Variants in ABCC11 observed in about 807,000 individuals in gnomAD.
The protein encoded by ABCC11 is ATP-binding cassette sub-family C member 11.
Under a neutral mutation model 149.3 loss-of-function variants are expected in ABCC11, and 135 were observed. The observed-to-expected ratio is 0.90, with a 90% CI of 0.79 to 1.04. The LOEUF is 1.04. Among genes scored for constraint, ABCC11 ranks in the 50% least tolerant of loss-of-function variants. The probability of loss-of-function intolerance (pLI) is 0.00; values close to 1 mark genes in which losing one functional copy is unlikely to be tolerated. For missense variants in ABCC11, 1,680 were observed against 1,722.1 expected, an observed-to-expected ratio of 0.98 and a Z score of 0.43; for synonymous variants, 665 against 671.4, an observed-to-expected ratio of 0.99 and a Z score of 0.15.
intron 1 of ABCC11, 81 bp from the exon 2 acceptor site, chr16:48,232,020 A>C (rs1970452636): frequency 1.9e-6 from 3 of 1,586,392 alleles, no homozygotes; most frequent in South Asian, 2.3e-5. Flanking sequence ...CAGCCAGAAG[A>C]GGGGGCACTA....
rs1969934344 is a variant in ABCC11 at position 48,224,324 on chromosome 16, T to A, written c.501A>T (p.Ala167=). 6.2e-7 allele frequency: 1 copy of A among 1,614,198 alleles called. No homozygotes were observed. The highest frequency in any genetic ancestry group is 1.1e-5 in the South Asian group (1 of 91,092). The stretch of plus-strand genomic sequence containing the variant: ...CAATGCAGAAGCAGATGCCCAGAAG[T>A]GCATCGAAAATCAACCTTGTTCTCT... ...RFQRTRLIFD[A]LLGICFCIAS... Residue 167 remains alanine, a synonymous_variant, in exon 5 of 30, where the codon GCA becomes GCT. Transcript: ENST00000356608.
At chr16:48,204,602 C>T (rs1377680783) in intron 13 of ABCC11, among the ~76,000 whole-genome samples, 1 of 152,088 alleles carries the variant, frequency 6.6e-6, no homozygotes, top group Admixed American at 6.6e-5. Flanking sequence ...TGGGGCTGGG[C>T]AGGCAGGGTG....
chr16:48,195,749 T>A (rs1052325078), intron 18 of ABCC11, among the ~76,000 whole-genome samples: 1 of 152,240 alleles, frequency 6.6e-6, no homozygotes, highest in African/African-American at 2.4e-5. Flanking sequence ...TGTGACCTTT[T>A]GCGATGTGGC....
At chr16:48,231,764 G>A (rs577774991) in intron 2 of ABCC11, 59 bp downstream of exon 2, 23 of 1,587,176 alleles carry the variant, frequency 1.4e-5, no homozygotes, top group East Asian at 1.4e-4. Context: ...ATTTATGACC[G>A]TGGAGAATAT....
intron 1 of ABCC11, among the ~76,000 whole-genome samples, chr16:48,232,563 A>C: frequency 6.6e-6 from 1 of 152,318 alleles, no homozygotes; most frequent in South Asian, 2.1e-4. Flanking sequence ...TTAAAAAAAA[A>C]ATATGACTTT....
intron 7 of ABCC11, among the ~76,000 whole-genome samples, chr16:48,215,824 G>A (rs890894159): frequency 2.6e-5 from 4 of 152,144 alleles, no homozygotes; most frequent in African/African-American, 7.2e-5. Flanking sequence ...GAGAAGAGAC[G>A]GAACAAAAAT....
At chr16:48,170,023 G>T in intron 28 of ABCC11, 82 bp downstream of exon 28, 1 of 1,065,390 alleles carries the variant, frequency 9.4e-7, no homozygotes, top group Non-Finnish European at 1.4e-6. Flanking sequence ...CCACGGTAGT[G>T]AAGGGAGAGG....
chr16:48,172,910 C>T (rs1451920035), intron 26 of ABCC11, among the ~76,000 whole-genome samples: 2 of 152,222 alleles, frequency 1.3e-5, no homozygotes, highest in African/African-American at 4.8e-5. Flanking sequence ...GCACTATAGA[C>T]ACTTCCCTGC....
In ABCC11 at chr16:48,214,888, G is replaced by A. The variant is rs201784880; in HGVS notation, c.1241C>T (p.Ala414Val). The change falls in exon 9 of 30, where the codon GCG (alanine) becomes GTG (valine). Residue 414 changes from alanine (A) to valine (V), a missense_variant. Coordinates refer to ENST00000356608, the MANE Select transcript of ABCC11 (RefSeq NM_001370497.1). ...IHTSLKLKLT[A>V]SMAFSMLASL... ...AGCCCCCCAAACCCTTACCATTGACGCTGTGAGTTTCAGCTTTAAGGATGT... is the reference window on the plus strand; with the variant it reads ...AGCCCCCCAAACCCTTACCATTGACACTGTGAGTTTCAGCTTTAAGGATGT... 3.9e-5 allele frequency: 63 copies of A among 1,614,118 alleles called. No individual in the cohort carries two copies. The highest frequency in any genetic ancestry group is 4.6e-5 in the Non-Finnish European group (54 of 1,180,014).
At chr16:48,215,121 A>C in intron 8 of ABCC11, 76 bp downstream of exon 8, 4 of 1,580,596 alleles carry the variant, frequency 2.5e-6, no homozygotes, top group Non-Finnish European at 3.4e-6. Flanking sequence ...AAAGAAAAAA[A>C]ATCCTCAAGA....
At chr16:48,230,705 G>A (rs1197595189) in intron 2 of ABCC11, 132 bp from the exon 3 acceptor site, 38 of 1,092,636 alleles carry the variant, frequency 3.5e-5, no homozygotes, top group African/African-American at 1.3e-4. Flanking sequence ...CTTCCATACC[G>A]AGAATAAGCA....
At chr16:48,181,311 TA>T (rs780090333) in intron 23 of ABCC11, among the ~76,000 whole-genome samples, 5 of 152,186 alleles carry the variant, frequency 3.3e-5, no homozygotes, top group Non-Finnish European at 7.3e-5. Flanking sequence ...ACCTGTCTCT[TA>T]TTGGCTATGG....
At chr16:48,195,605 T>C (rs78023842) in intron 18 of ABCC11, among the ~76,000 whole-genome samples, 1 of 152,240 alleles carries the variant, frequency 6.6e-6, no homozygotes, top group African/African-American at 2.4e-5. Flanking sequence ...GTTTACAACA[T>C]TGTACAGTAA....
At chr16:48,206,306 A>G (rs57558467) in intron 12 of ABCC11, among the ~76,000 whole-genome samples, 8 of 152,330 alleles carry the variant, frequency 5.3e-5, no homozygotes, top group African/African-American at 1.7e-4. Context: ...GGAAAGTGTT[A>G]TAACCTCTGT....
At position 48,166,652 on chromosome 16, in the gene ABCC11, G is replaced by A. The variant is rs573397682; in HGVS notation, c.*622C>T. ...TCAGCACTTTGGGAGGCCAAGGCAA[G>A]CGGATCACTTGAGATCAGCCTGGCC... On this transcript the variant is annotated 3_prime_UTR_variant, in exon 30 of 30. Coordinates refer to ENST00000356608, the MANE Select transcript of ABCC11 (RefSeq NM_001370497.1). 2.0e-5 allele frequency among the ~76,000 whole-genome samples: 3 copies of A among 152,292 alleles called. No homozygotes were observed. The highest frequency in any genetic ancestry group is 3.4e-3 in the Middle Eastern group (1 of 294).
intron 6 of ABCC11, among the ~76,000 whole-genome samples, chr16:48,216,773 G>A (rs1287839826): frequency 1.3e-5 from 2 of 152,190 alleles, no homozygotes; most frequent in Middle Eastern, 3.2e-3. Context: ...GGCTAAAATC[G>A]GTGGAACCAG....
At chr16:48,165,405 C>T (rs1965300622), downstream of ABCC11, among the ~76,000 whole-genome samples, 1 of 152,246 alleles carries the variant, frequency 6.6e-6, no homozygotes, top group African/African-American at 2.4e-5. Context: ...TCCAGGGCAC[C>T]GGACTTCTCC....
At chr16:48,190,343 G>T (rs545012961) in intron 20 of ABCC11, among the ~76,000 whole-genome samples, 47 of 152,066 alleles carry the variant, frequency 3.1e-4, no homozygotes, top group Non-Finnish European at 6.2e-4. Context: ...AAGAAGCAGT[G>T]TGATACCATA....
At chr16:48,190,638 T>A (rs2150779632) in intron 20 of ABCC11, among the ~76,000 whole-genome samples, 1 of 152,336 alleles carries the variant, frequency 6.6e-6, no homozygotes, top group East Asian at 1.9e-4. Flanking sequence ...ATGCTGGGAT[T>A]CCAGGCGTGA....
Sources: gnomAD v4.1 joint callset for allele counts (sites outside exome capture counted in the v4.1 genomes callset) on GRCh38, gnomAD v4.1.1 for gene constraint, MANE v1.5 for transcripts, NCBI Gene and HGNC (gene_info 2026-07-23, HGNC 2026-07-21) for gene names.